The following CBFA2T2 variants were observed in gnomAD, a reference collection of about 807,000 sequenced individuals.
CBFA2T2 encodes the protein CBFA2/RUNX1 partner transcriptional co-repressor 2.
A neutral mutation model predicts 62.2 loss-of-function variants in CBFA2T2; 11 were observed. The observed-to-expected ratio is 0.18, with a 90% confidence interval of 0.11 to 0.29. The LOEUF is 0.29. Among genes scored for constraint, CBFA2T2 ranks in the 10% least tolerant of loss-of-function variants. CBFA2T2 has a pLI of 1.00. For missense variants in CBFA2T2, 592 were observed against 774.1 expected (o/e 0.76, Z 2.79); for synonymous variants, 295 against 287.5 (o/e 1.03, Z -0.27).
chr20:33,512,920 T>G (rs1341622038), intron 1 of CBFA2T2, among the ~76,000 whole-genome samples: 1 of 151,910 alleles, frequency 6.6e-6, no homozygotes, highest in Admixed American at 6.6e-5. Flanking sequence ...GCCCAGCTAA[T>G]TTTTTGTATT....
intron 9 of CBFA2T2, among the ~76,000 whole-genome samples, chr20:33,639,907 G>C (rs921401070): frequency 6.6e-6 from 1 of 151,974 alleles, no homozygotes; most frequent in Non-Finnish European, 1.5e-5. Context: ...AGAAAAAGAA[G>C]GTCAAATTTC....
chr20:33,621,457 C>T (rs923328194), intron 4 of CBFA2T2, among the ~76,000 whole-genome samples: 1 of 151,624 alleles, frequency 6.6e-6, no homozygotes, highest in African/African-American at 2.4e-5. Context: ...CCACCACACC[C>T]GGCTAATTTT....
chr20:33,519,449 AAC>A (rs546293227), intron 1 of CBFA2T2, among the ~76,000 whole-genome samples: 248 of 152,292 alleles, frequency 1.6e-3, no homozygotes, highest in Non-Finnish European at 2.7e-3. Flanking sequence ...CAGTCTGGGC[AAC>A]AGTGCGAGAC....
At chr20:33,502,948 G>A (rs1269517033) in intron 1 of CBFA2T2, among the ~76,000 whole-genome samples, 1 of 150,146 alleles carries the variant, frequency 6.7e-6, no homozygotes, top group African/African-American at 2.4e-5. Context: ...AAAATTAGCC[G>A]GGCTTGGTGG....
At chr20:33,637,368 G>A (rs1162950592) in intron 9 of CBFA2T2, among the ~76,000 whole-genome samples, 1 of 152,120 alleles carries the variant, frequency 6.6e-6, no homozygotes, top group Non-Finnish European at 1.5e-5. Context: ...CTACAAAAAT[G>A]TAATACCTAC....
chr20:33,592,926 A>G (rs1040487223), intron 1 of CBFA2T2, among the ~76,000 whole-genome samples: 7 of 152,146 alleles, frequency 4.6e-5, no homozygotes, highest in African/African-American at 1.7e-4. Context: ...AGACTAATGG[A>G]GACATTATTT....
rs538389195 is a variant in CBFA2T2 at position 33,632,659 on chromosome 20, G to A, written c.1228+2745G>A. Among the ~76,000 whole-genome samples, 6 of 150,940 alleles carry A rather than the reference G, an allele frequency of 4.0e-5. No homozygotes were observed. In the South Asian group the frequency reaches 8.4e-4, roughly 21 times the overall value. On this transcript the variant is annotated intron_variant, in intron 8 of 10. Coordinates refer to ENST00000342704, the MANE Select transcript of CBFA2T2 (RefSeq NM_001032999.3). ...GAGTTTTTTTTTTTTCAGTAGAGAC[G>A]GCTGGTCTTCAATTCCTAACCTTGT...
chr20:33,548,697 C>T (rs1443580524), intron 1 of CBFA2T2, among the ~76,000 whole-genome samples: 2 of 152,118 alleles, frequency 1.3e-5, no homozygotes, highest in Non-Finnish European at 2.9e-5. Flanking sequence ...CAGTGGCTCA[C>T]ATCTGTAATC....
chr20:33,511,827 G>A (rs2011516801), intron 1 of CBFA2T2, among the ~76,000 whole-genome samples: 1 of 152,008 alleles, frequency 6.6e-6, no homozygotes, highest in Non-Finnish European at 1.5e-5. Context: ...TGAGGATGCA[G>A]TGAGCCATGA....
intron 1 of CBFA2T2, among the ~76,000 whole-genome samples, chr20:33,561,427 A>G (rs1156541760): frequency 6.6e-6 from 1 of 152,206 alleles, no homozygotes; most frequent in Non-Finnish European, 1.5e-5. Context: ...ATTCACAGGA[A>G]GTTATAATGA....
intron 1 of CBFA2T2, among the ~76,000 whole-genome samples, chr20:33,554,772 C>T (rs79274833): frequency 1.3e-4 from 20 of 151,684 alleles, no homozygotes; most frequent in African/African-American, 4.8e-4. Flanking sequence ...TTTTTATGTG[C>T]TAGATGAGAG....
chr20:33,561,464 C>A (rs1187243078), intron 1 of CBFA2T2, among the ~76,000 whole-genome samples: 2 of 152,078 alleles, frequency 1.3e-5, no homozygotes, highest in Non-Finnish European at 2.9e-5. Flanking sequence ...TCCGTTGGAC[C>A]CTTCACTCAA....
At chr20:33,493,920 G>A (rs913408809) in intron 1 of CBFA2T2, among the ~76,000 whole-genome samples, 5 of 151,552 alleles carry the variant, frequency 3.3e-5, no homozygotes, top group Admixed American at 6.6e-5. Context: ...TTTTGCTCTT[G>A]TTGCCCCAGC....
chr20:33,507,310 A>G (rs1030076670), intron 1 of CBFA2T2, among the ~76,000 whole-genome samples: 5 of 152,216 alleles, frequency 3.3e-5, no homozygotes, highest in Non-Finnish European at 5.9e-5. Context: ...TGATAGCTTC[A>G]GTACCAAATG....
chr20:33,634,307 AG>A (rs1266881152), intron 8 of CBFA2T2, among the ~76,000 whole-genome samples: 1 of 152,148 alleles, frequency 6.6e-6, no homozygotes, highest in African/African-American at 2.4e-5. Context: ...ATCAGCTATC[AG>A]TTTTTCCTCA....
rs1164003773 is a variant in CBFA2T2, at chr20:33,647,512, G to C, written c.*2866G>C. 6.6e-6 allele frequency: 1 copy of C among 152,132 alleles called. No individual in the cohort carries two copies. Among genetic ancestry groups the C allele is most frequent in the Non-Finnish European group, 1.5e-5 (1 of 68,046 alleles). The allele number at this position is 152,132 out of a possible 1,614,324, so 9.4% of individuals were successfully genotyped here. ...TTGGTCAGGCTGGTCTCAAACCCCGGACCTCAGGTGATCCCCCCACCTTGG... is the reference window on the plus strand; with the variant it reads ...TTGGTCAGGCTGGTCTCAAACCCCGCACCTCAGGTGATCCCCCCACCTTGG... On this transcript the variant is annotated 3_prime_UTR_variant, in exon 11 of 11. Coordinates refer to ENST00000342704, the MANE Select transcript of CBFA2T2 (RefSeq NM_001032999.3).
intron 1 of CBFA2T2, among the ~76,000 whole-genome samples, chr20:33,504,124 T>C (rs940086197): frequency 6.6e-6 from 1 of 152,168 alleles, no homozygotes; most frequent in African/African-American, 2.4e-5. Context: ...CATGGAATCA[T>C]ACAGTATGTA....
At chr20:33,540,274 A>G (rs2012377741) in intron 1 of CBFA2T2, among the ~76,000 whole-genome samples, 1 of 152,222 alleles carries the variant, frequency 6.6e-6, no homozygotes, top group South Asian at 2.1e-4. Flanking sequence ...AACAACAGAA[A>G]TATGTTCTGA....
chr20:33,491,402 G>GTAATTACTT (rs2011145544), intron 1 of CBFA2T2, among the ~76,000 whole-genome samples: 1 of 152,088 alleles, frequency 6.6e-6, no homozygotes, highest in South Asian at 2.1e-4. Context: ...TAATCTTGAT[G>GTAATTACTT]ACATCCTAAG....
Sources: allele counts gnomAD v4.1 joint callset (sites outside exome capture counted in the v4.1 genomes callset), GRCh38; gene constraint gnomAD v4.1.1; transcripts MANE v1.5; gene names NCBI Gene and HGNC (gene_info 2026-07-23, HGNC 2026-07-21).